Variants in JADE2 observed in about 807,000 individuals in gnomAD.
JADE2 encodes E3 ubiquitin-protein ligase Jade-2.
Under a neutral mutation model 85.7 loss-of-function variants are expected in JADE2, and 13 were observed. That is an observed-to-expected ratio of 0.15 (90% CI 0.10 to 0.24). JADE2 has a LOEUF of 0.24. Ranked by LOEUF, JADE2 falls within the 10% of genes least tolerant of loss-of-function variation. JADE2 has a pLI of 1.00. For synonymous variants in JADE2, 440 were observed against 456.1 expected (o/e 0.96, Z 0.45); for missense variants, 846 against 1,115.9 (o/e 0.76, Z 3.45).
In JADE2 at chr5:134,582,900, A is replaced by G. The variant is rs1405530366; in HGVS notation, c.*3583A>G. 6.6e-6 allele frequency: 1 copy of G among 152,666 alleles called. No individual in the cohort carries two copies. Among genetic ancestry groups the G allele is most frequent in the Non-Finnish European group, 1.5e-5 (1 of 68,044 alleles). 9.5% of individuals were successfully genotyped at this position (152,666 alleles called of 1,614,324 possible). ...TAAATTATTTTTGGCTTATGTTGCA[A>G]TATTTATTTTCTTGTATTAGAAAAG... On this transcript the variant is annotated 3_prime_UTR_variant, in exon 12 of 12. Coordinates refer to ENST00000681547, the MANE Select transcript of JADE2 (RefSeq NM_001388185.1).
At chr5:134,570,712 T>TC (rs1199789341) in intron 9 of JADE2, among the ~76,000 whole-genome samples, 2 of 151,930 alleles carry the variant, frequency 1.3e-5, no homozygotes, top group South Asian at 2.1e-4. Context: ...TCTGACCAGG[T>TC]CCCCCCTGAG....
At chr5:134,576,341 G>C (rs559521850) in intron 10 of JADE2, among the ~76,000 whole-genome samples, 53 of 152,192 alleles carry the variant, frequency 3.5e-4, no homozygotes, top group Admixed American at 1.0e-3. Flanking sequence ...ACTGGTTCAG[G>C]GTTGCTGACC....
In JADE2 at chr5:134,547,712, G is replaced by T. The variant is rs189749995; in HGVS notation, c.154-4340G>T. On this transcript the variant is annotated intron_variant, in intron 3 of 11. Coordinates refer to ENST00000681547, the MANE Select transcript of JADE2 (RefSeq NM_001388185.1). ...TTTGGAAGGCATGGAGTACCCAGCTGTAGTCTTGGACAGCAACCAAAGAAG... is the reference window on the plus strand; with the variant it reads ...TTTGGAAGGCATGGAGTACCCAGCTTTAGTCTTGGACAGCAACCAAAGAAG... Among the ~76,000 whole-genome samples, 6 of 152,324 alleles carry T rather than the reference G, an allele frequency of 3.9e-5. No individual in the cohort carries two copies. The East Asian group carries it at 1.2e-3, about 29-fold the overall frequency.
At chr5:134,527,711 G>T (rs1760949942) in intron 1 of JADE2, among the ~76,000 whole-genome samples, 1 of 151,708 alleles carries the variant, frequency 6.6e-6, no homozygotes, top group Non-Finnish European at 1.5e-5. Context: ...CCCGCGGACT[G>T]CCTCCAGGGG....
At chr5:134,535,738 T>C (rs1172243419) in intron 1 of JADE2, 120 bp from the exon 2 acceptor site, 1 of 815,808 alleles carries the variant, frequency 1.2e-6, no homozygotes, top group Non-Finnish European at 2.1e-6. Context: ...AGGACAGGGC[T>C]TTATTCTTAT....
Position 134,573,721 on chromosome 5 carries a change from T to C in JADE2, c.1511T>C (p.Phe504Ser). 6.2e-7 allele frequency: 1 copy of C among 1,613,620 alleles called. No individual in the cohort carries two copies. Among genetic ancestry groups the C allele is most frequent in the Non-Finnish European group, 8.5e-7 (1 of 1,179,482 alleles). ...HAICKLQEQI[F>S]HLQMKLIEQD... ...ATCTGCAAACTCCAGGAGCAGATAT[T>C]CCACCTGCAGATGAAACTTATTGAA... Residue 504 changes from phenylalanine to serine, a missense_variant, in exon 10 of 12, where the codon TTC becomes TCC. Around this residue, in one of 9 missense-constraint regions of JADE2, gnomAD observed 119 missense variants for 163.9 expected, o/e 0.73. Transcript: ENST00000681547.
chr5:134,524,702 C>T (rs952416480), upstream of JADE2, among the ~76,000 whole-genome samples: 1 of 152,154 alleles, frequency 6.6e-6, no homozygotes, highest in African/African-American at 2.4e-5. Flanking sequence ...AGGAGGCACC[C>T]GGGAGGGGGG....
chr5:134,568,488 T>G (rs950957917), intron 9 of JADE2, among the ~76,000 whole-genome samples: 1 of 152,186 alleles, frequency 6.6e-6, no homozygotes, highest in African/African-American at 2.4e-5. Context: ...GAATGAGAGC[T>G]GCTGCAGAGA....
chr5:134,572,324 T>C (rs180682016), intron 9 of JADE2, among the ~76,000 whole-genome samples: 25 of 152,318 alleles, frequency 1.6e-4, no homozygotes, highest in African/African-American at 5.5e-4. Flanking sequence ...GGAGAGTCCA[T>C]GCAGAGCACA....
rs542789595 is a variant in JADE2 at position 134,527,213 on chromosome 5, TC to T, written c.-1+1205del. 1.1e-3 allele frequency among the ~76,000 whole-genome samples: 152 copies of T among 135,972 alleles called. 1 individual carries two copies. The highest frequency in any genetic ancestry group is 4.1e-3 in the African/African-American group (146 of 35,324). The allele number at this position is 135,972 out of a possible 152,430, so 89.2% of individuals were successfully genotyped here. On this transcript the variant is annotated intron_variant, in intron 1 of 11. Transcript: ENST00000681547. The stretch of plus-strand genomic sequence containing the variant: ...CCCGGCCTCACCTCCTTCCTCCCTC[TC>T]CCTCCCTTCTTCCCACCCACTCGCC...
At chr5:134,576,436 T>C (rs569917193) in intron 10 of JADE2, among the ~76,000 whole-genome samples, 1 of 152,222 alleles carries the variant, frequency 6.6e-6, no homozygotes, top group East Asian at 1.9e-4. Flanking sequence ...AGCCTGGCAT[T>C]CAAGGCCCTG....
intron 3 of JADE2, among the ~76,000 whole-genome samples, chr5:134,545,515 G>C (rs1400352325): frequency 6.6e-6 from 1 of 151,690 alleles, no homozygotes; most frequent in Non-Finnish European, 1.5e-5. Flanking sequence ...GTTTTATACT[G>C]AATTTTAACT....
chr5:134,554,874 A>C (rs148985809), intron 4 of JADE2, among the ~76,000 whole-genome samples: 24 of 152,208 alleles, frequency 1.6e-4, no homozygotes, highest in Admixed American at 1.3e-3. Flanking sequence ...AGGACTTGCT[A>C]TGCTGAGCCT....
rs2150030624 is a variant in JADE2, at chr5:134,578,212, AT to A, written c.1682-279del. Among the ~76,000 whole-genome samples the A allele has an allele frequency of 6.6e-6, 1 of 152,338 alleles. No individual in the cohort carries two copies. Among genetic ancestry groups the A allele is most frequent in the East Asian group, 1.9e-4 (1 of 5,186 alleles). On this transcript the variant is annotated intron_variant, in intron 11 of 11. Coordinates refer to ENST00000681547, the MANE Select transcript of JADE2 (RefSeq NM_001388185.1). This position sits in a 1 kb window ranked among gnomAD's most constrained non-coding sequence, Gnocchi z 4.4. ...ACTCCACCTTGAAATTCTTAATAATATTTGAACAAGGAGCCTATATTTTCAT... is the reference window on the plus strand; with the variant it reads ...ACTCCACCTTGAAATTCTTAATAATATTGAACAAGGAGCCTATATTTTCAT...
chr5:134,552,259 G>A (rs1474152228), intron 4 of JADE2, 50 bp downstream of exon 4: 60 of 1,559,284 alleles, frequency 3.8e-5, no homozygotes, highest in Non-Finnish European at 5.1e-5. Context: ...GGGAGGAAGG[G>A]GAGGCTGCTT....
chr5:134,525,975 G>T lies in JADE2; in HGVS notation c.-37G>T, dbSNP rs1288237255. 2 of 985,498 alleles carry T rather than the reference G, an allele frequency of 2.0e-6. No homozygotes were observed. Among genetic ancestry groups the T allele is most frequent in the South Asian group, 4.7e-5 (1 of 21,296 alleles). 61.0% of individuals were successfully genotyped at this position (985,498 alleles called of 1,614,324 possible). On this transcript the variant is annotated 5_prime_UTR_variant, in exon 1 of 12. Coordinates refer to ENST00000681547, the MANE Select transcript of JADE2 (RefSeq NM_001388185.1). ...CCGGTCCCTGCAGCGGCGCGTAGCCGAGGGCAGCGCCCGTCAGGGGGGCAC... is the reference window on the plus strand; with the variant it reads ...CCGGTCCCTGCAGCGGCGCGTAGCCTAGGGCAGCGCCCGTCAGGGGGGCAC...
At chr5:134,547,741 G>A (rs1231431042) in intron 3 of JADE2, among the ~76,000 whole-genome samples, 3 of 152,234 alleles carry the variant, frequency 2.0e-5, no homozygotes, top group Admixed American at 1.3e-4. Context: ...AAAGAAGGAG[G>A]TGGCTGGCCC....
chr5:134,569,954 T>C (rs1350787611), intron 9 of JADE2, among the ~76,000 whole-genome samples: 1 of 152,148 alleles, frequency 6.6e-6, no homozygotes, highest in Non-Finnish European at 1.5e-5. Flanking sequence ...GCCCAGAAAT[T>C]GCCACATCCT....
At chr5:134,577,829 G>A (rs763646554) in intron 11 of JADE2, among the ~76,000 whole-genome samples, 9 of 152,166 alleles carry the variant, frequency 5.9e-5, no homozygotes, top group Non-Finnish European at 8.8e-5. Flanking sequence ...ATCTGCTGGC[G>A]TCTCACTTGC....
Sources: gnomAD v4.1 joint callset for allele counts (sites outside exome capture counted in the v4.1 genomes callset) on GRCh38, gnomAD v4.1.1 for gene constraint, gnomAD v4.1.1 regional missense constraint, Gnocchi (gnomAD v3.1) non-coding constraint, MANE v1.5 for transcripts, NCBI Gene and HGNC (gene_info 2026-07-23, HGNC 2026-07-21) for gene names.